Variants in TCN2 observed in about 807,000 individuals in gnomAD.
TCN2 encodes transcobalamin 2.
Under a neutral mutation model 48.6 loss-of-function variants are expected in TCN2, and 34 were observed. That is an observed-to-expected ratio of 0.70 (90% confidence interval 0.53 to 0.93). TCN2 has a LOEUF of 0.93. TCN2 is among the 40% of genes least tolerant of loss of function. TCN2 has a pLI of 0.00. For synonymous variants in TCN2, 283 were observed against 212.5 expected (o/e 1.33, Z -2.89); for missense variants, 652 against 526.1 (o/e 1.24, Z -2.34).
rs369589347 is a variant in TCN2 at position 30,622,971 on chromosome 22, T to G, written c.1110T>G (p.Tyr370Ter). 6.2e-7 allele frequency: 1 copy of G among 1,614,104 alleles called. No homozygotes were observed. Among genetic ancestry groups the G allele is most frequent in the Non-Finnish European group, 8.5e-7 (1 of 1,180,012 alleles). ...CATTTGCCTTTCCCTTCTGTAGATATGAAACACAGGCCTCCTTGTCAGGCC... is the reference window on the plus strand; with the variant it reads ...CATTTGCCTTTCCCTTCTGTAGATAGGAAACACAGGCCTCCTTGTCAGGCC... ...KKAHELGGFT[Y>*]ETQASLSGPY... The change falls in exon 8 of 9, where the codon TAT becomes TAG. Residue 370 changes from tyrosine (Y) to a stop codon, truncating the protein, a stop_gained. Coordinates refer to ENST00000215838, the MANE Select transcript of TCN2 (RefSeq NM_000355.4). LOFTEE classifies it high-confidence loss of function.
At chr22:30,617,100 G>A (rs1467359196) in intron 6 of TCN2, among the ~76,000 whole-genome samples, 9 of 151,460 alleles carry the variant, frequency 5.9e-5, no homozygotes, top group African/African-American at 1.7e-4. Context: ...CTTGGGTGGT[G>A]GGGAATGAGG....
chr22:30,617,607 CCTGCTT>C, intron 7 of TCN2, 112 bp downstream of exon 7: 2 of 1,409,682 alleles, frequency 1.4e-6, no homozygotes, highest in Non-Finnish European at 2.0e-6. Context: ...AGACACTGGC[CCTGCTT>C]CTGCTTCTAC....
Position 30,623,046 on chromosome 22 carries a change from G to A in TCN2, c.1185G>A (p.Trp395Ter). 6.2e-7 allele frequency: 1 copy of A among 1,613,962 alleles called. No individual in the cohort carries two copies. Among genetic ancestry groups the A allele is most frequent in the Non-Finnish European group, 8.5e-7 (1 of 1,179,998 alleles). Residue 395 changes from tryptophan (W) to a stop codon, truncating the protein, a stop_gained, in exon 8 of 9, where the codon TGG becomes TGA. Coordinates refer to ENST00000215838, the MANE Select transcript of TCN2 (RefSeq NM_000355.4). LOFTEE classifies it high-confidence loss of function. ...AAGCGGCCGGAGAAAGGGAGTTCTG[G>A]CAGCTTCTCCGAGACCCCAACACCC... ...MGKAAGEREF[W>*]QLLRDPNTPL...
At position 30,614,335 on chromosome 22, in the gene TCN2, T is replaced by G. The variant is rs1221271210; in HGVS notation, c.428-14T>G. ...GGGGCAGAGAGGCAACCCCTCTGTT[T>G]TTTTCCCTCTCAGGGCATGATCACA... is the stretch of plus-strand genomic sequence containing the variant. On this transcript the variant is annotated splice_polypyrimidine_tract_variant and intron_variant, in intron 3 of 8. Coordinates refer to ENST00000215838, the MANE Select transcript of TCN2 (RefSeq NM_000355.4). The G allele has an allele frequency of 1.2e-6, 2 of 1,613,982 alleles. No homozygotes were observed. Among genetic ancestry groups the G allele is most frequent in the Non-Finnish European group, 1.7e-6 (2 of 1,179,922 alleles).
At chr22:30,611,266 C>T (rs2087536523) in intron 2 of TCN2, among the ~76,000 whole-genome samples, 1 of 152,206 alleles carries the variant, frequency 6.6e-6, no homozygotes, top group Non-Finnish European at 1.5e-5. Context: ...GCTCCTTTTG[C>T]TACTACTGTC....
rs751199750 is a variant in TCN2, at chr22:30,614,408, G to T, written c.487G>T (p.Ala163Ser). 9 of 1,614,154 alleles carry T rather than the reference G, an allele frequency of 5.6e-6. No homozygotes were observed. The highest frequency in any genetic ancestry group is 8.5e-7 in the Non-Finnish European group (1 of 1,180,026). The change falls in exon 4 of 9, where the codon GCC becomes TCC. Residue 163 changes from alanine to serine, a missense_variant. Transcript: ENST00000215838. ...SYYQYGLGIL[A>S]LCLHQKRVHD... Reference sequence around the variant, plus strand: ...CTACCAGTATGGCCTGGGCATTCTGGCCCTGTGTCTCCACCAGAAGCGGGT... The same window carrying T: ...CTACCAGTATGGCCTGGGCATTCTGTCCCTGTGTCTCCACCAGAAGCGGGT...
In TCN2 at chr22:30,626,779, G is replaced by A; in HGVS notation, c.*258G>A. 2 of 583,492 alleles carry A rather than the reference G, an allele frequency of 3.4e-6. No homozygotes were observed. Among genetic ancestry groups the A allele is most frequent in the Non-Finnish European group, 6.1e-6 (2 of 325,590 alleles). 36.1% of individuals were successfully genotyped at this position (583,492 alleles called of 1,614,324 possible). On this transcript the variant is annotated 3_prime_UTR_variant, in exon 9 of 9. Coordinates refer to ENST00000215838, the MANE Select transcript of TCN2 (RefSeq NM_000355.4). Reference sequence around the variant, plus strand: ...CAGCCTGGCCCTGCAGGTCTCCCATGAAGGCCACCCCATGGTCTGATGGGC... The same window carrying A: ...CAGCCTGGCCCTGCAGGTCTCCCATAAAGGCCACCCCATGGTCTGATGGGC...
intron 7 of TCN2, among the ~76,000 whole-genome samples, chr22:30,621,611 T>C (rs932833322): frequency 6.6e-6 from 1 of 152,174 alleles, no homozygotes. Flanking sequence ...GTCTCCTGAA[T>C]AGCTGGGATT....
Position 30,614,370 on chromosome 22 carries a change from C to A in TCN2, c.449C>A (p.Pro150His). ...RAIGHDHKGH[P>H]HTSYYQYGLG... is the part of the protein sequence containing the mutation. Reference sequence around the variant, plus strand: ...TCAGGGCATGATCACAAGGGCCACCCCCACACTAGCTACTACCAGTATGGC... The same window carrying A: ...TCAGGGCATGATCACAAGGGCCACCACCACACTAGCTACTACCAGTATGGC... The change falls in exon 4 of 9, where the codon CCC becomes CAC. Residue 150 changes from proline (P) to histidine (H), a missense_variant. Transcript: ENST00000215838. 1 of 1,614,156 alleles carries A rather than the reference C, an allele frequency of 6.2e-7. No homozygotes were observed. Among genetic ancestry groups the A allele is most frequent in the Non-Finnish European group, 8.5e-7 (1 of 1,180,006 alleles).
rs1442078527 is a variant in TCN2, at chr22:30,623,769, TAC to T, written c.1222+692_1222+693del. Among the ~76,000 whole-genome samples the T allele has an allele frequency of 1.6e-4, 11 of 66,688 alleles. 4 individuals are homozygous for T. Among genetic ancestry groups the T allele is most frequent in the African/African-American group, 6.4e-4 (5 of 7,820 alleles). The allele number at this position is 66,688 out of a possible 152,430, so 43.7% of individuals were successfully genotyped here. On this transcript the variant is annotated intron_variant, in intron 8 of 8. Transcript: ENST00000215838. Reference sequence around the variant, plus strand: ...ACACACATATATATGTATATATATATACACACATATATATGTATACATATATA... The same window carrying T: ...ACACACATATATATGTATATATATATACACATATATATGTATACATATATA...
chr22:30,621,349 G>T (rs1362086961), intron 7 of TCN2, among the ~76,000 whole-genome samples: 1 of 152,086 alleles, frequency 6.6e-6, no homozygotes, highest in Non-Finnish European at 1.5e-5. Context: ...ATAACTTAGG[G>T]CTGTATTACC....
chr22:30,623,145 T>C lies in TCN2; in HGVS notation c.1222+62T>C. On this transcript the variant is annotated intron_variant, in intron 8 of 8. Transcript: ENST00000215838. Reference sequence around the variant, plus strand: ...CCCCAAGCTTACTCAGCCAAGAGGCTTCATCAACTCACCCCAGCTTTCCCT... The same window carrying C: ...CCCCAAGCTTACTCAGCCAAGAGGCCTCATCAACTCACCCCAGCTTTCCCT... 1.9e-6 allele frequency: 3 copies of C among 1,554,762 alleles called. No homozygotes were observed. In the South Asian group the frequency reaches 3.3e-5, roughly 17 times the overall value.
chr22:30,610,379 G>A, intron 1 of TCN2: 2 of 449,400 alleles, frequency 4.5e-6, no homozygotes, highest in South Asian at 3.3e-5. Context: ...TAAACGGGTA[G>A]CACACACATT....
In TCN2 at chr22:30,626,482, G is replaced by A. The variant is rs1489633881; in HGVS notation, c.1245G>A (p.Lys415=). Residue 415 remains lysine, a synonymous_variant, in exon 9 of 9, where the codon AAG becomes AAA. Coordinates refer to ENST00000215838, the MANE Select transcript of TCN2 (RefSeq NM_000355.4). The part of the protein sequence containing the change: ...LLQGIADYRP[K]DGETIELRLV... Reference sequence around the variant, plus strand: ...CAGGTATTGCTGACTACAGACCCAAGGATGGAGAAACCATTGAGCTGAGGC... The same window carrying A: ...CAGGTATTGCTGACTACAGACCCAAAGATGGAGAAACCATTGAGCTGAGGC... 2.5e-6 allele frequency: 4 copies of A among 1,614,134 alleles called. No individual in the cohort carries two copies. Among genetic ancestry groups the A allele is most frequent in the Non-Finnish European group, 3.4e-6 (4 of 1,180,016 alleles).
rs2087821382 is a variant in TCN2, at chr22:30,627,044, A to T, written c.*523A>T. On this transcript the variant is annotated 3_prime_UTR_variant, in exon 9 of 9. Coordinates refer to ENST00000215838, the MANE Select transcript of TCN2 (RefSeq NM_000355.4). ...TGCCTCTGACAAAATTAAAGCATTG[A>T]TGGCCTGTGGACCTGCTACAGTGGC... 1 of 190,850 alleles carries T rather than the reference A, an allele frequency of 5.2e-6. No homozygotes were observed. The highest frequency in any genetic ancestry group is 1.1e-5 in the Non-Finnish European group (1 of 90,470). 11.8% of individuals were successfully genotyped at this position (190,850 alleles called of 1,614,324 possible).
chr22:30,627,252 T>C lies in TCN2; in HGVS notation c.*731T>C, dbSNP rs2087823742. Reference sequence around the variant, plus strand: ...CTACTATGACTGAGCACTCACTCGCTAGATACTATCTTGAACTGCTCTGTG... The same window carrying C: ...CTACTATGACTGAGCACTCACTCGCCAGATACTATCTTGAACTGCTCTGTG... On this transcript the variant is annotated 3_prime_UTR_variant, in exon 9 of 9. Coordinates refer to ENST00000215838, the MANE Select transcript of TCN2 (RefSeq NM_000355.4). The C allele has an allele frequency of 6.4e-6, 1 of 156,300 alleles. No individual in the cohort carries two copies. The highest frequency in any genetic ancestry group is 2.0e-4 in the South Asian group (1 of 5,090). The allele number at this position is 156,300 out of a possible 1,614,324, so 9.7% of individuals were successfully genotyped here.
chr22:30,608,450 C>T (rs1052649571), intron 1 of TCN2, among the ~76,000 whole-genome samples: 2 of 151,902 alleles, frequency 1.3e-5, no homozygotes, highest in East Asian at 1.9e-4. Context: ...TGCAGTGGCA[C>T]GATCTTGGCT....
intron 8 of TCN2, among the ~76,000 whole-genome samples, chr22:30,624,872 A>C (rs754492684): frequency 6.6e-6 from 1 of 152,206 alleles, no homozygotes; most frequent in Non-Finnish European, 1.5e-5. Context: ...CTTTTGTCTT[A>C]GTCCATTGAA....
chr22:30,615,657 G>A lies in TCN2; in HGVS notation c.810G>A (p.Ala270=), dbSNP rs61748898. Residue 270 remains alanine, a synonymous_variant, in exon 6 of 9, where the codon GCG becomes GCA. Coordinates refer to ENST00000215838, the MANE Select transcript of TCN2 (RefSeq NM_000355.4). The part of the protein sequence containing the change: ...GAELGTACLK[A]RVALLASLQD... ...AACTGGGAACAGCATGTCTCAAGGCGAGGGTTGCTTTGCTGGCCAGTCTGC... is the reference window on the plus strand; with the variant it reads ...AACTGGGAACAGCATGTCTCAAGGCAAGGGTTGCTTTGCTGGCCAGTCTGC... 1.3e-3 allele frequency: 2,146 copies of A among 1,614,194 alleles called. 5 individuals are homozygous for A. Among genetic ancestry groups the A allele is most frequent in the Middle Eastern group, 2.3e-3 (14 of 6,062 alleles).
Sources: allele counts gnomAD v4.1 joint callset (sites outside exome capture counted in the v4.1 genomes callset), GRCh38; gene constraint gnomAD v4.1.1; transcripts MANE v1.5; gene names NCBI Gene and HGNC (gene_info 2026-07-23, HGNC 2026-07-21).